PATJ: variants seen among roughly 807,000 people sequenced by gnomAD.
PATJ encodes the protein PATJ crumbs cell polarity complex component.
A neutral mutation model predicts 224.9 loss-of-function variants in PATJ; 190 were observed. The observed-to-expected ratio is 0.84, with a 90% CI of 0.75 to 0.95. The LOEUF (loss-of-function observed/expected upper bound fraction) is 0.95, where lower values mean the gene tolerates loss of function less well. PATJ is among the 40% of genes least tolerant of loss of function. PATJ has a pLI of 0.00. For missense variants in PATJ, 2,121 were observed against 2,270.3 expected (o/e 0.93, Z 1.34); for synonymous variants, 769 against 820.3 (o/e 0.94, Z 1.07).
At chr1:61,789,550 T>A (rs12095349) in intron 8 of PATJ, among the ~76,000 whole-genome samples, 8,666 of 151,714 alleles carry the variant, frequency 0.057, 848 homozygotes, top group African/African-American at 0.2. Flanking sequence ...TGGTGGCTCA[T>A]GCCTGTAATC....
chr1:61,856,652 G>A (rs1426460691), intron 18 of PATJ, among the ~76,000 whole-genome samples: 2 of 152,082 alleles, frequency 1.3e-5, no homozygotes, highest in South Asian at 2.1e-4. Context: ...GCAGTGGCAC[G>A]ATCTTGGCTC....
intron 27 of PATJ, among the ~76,000 whole-genome samples, chr1:61,969,175 G>A (rs555766595): frequency 6.6e-6 from 1 of 152,132 alleles, no homozygotes; most frequent in East Asian, 1.9e-4. Flanking sequence ...ATTGTGAATA[G>A]TGCTGCTATG....
chr1:62,015,606 T>A (rs1261270068), intron 28 of PATJ, among the ~76,000 whole-genome samples: 1 of 151,900 alleles, frequency 6.6e-6, no homozygotes, highest in African/African-American at 2.4e-5. Flanking sequence ...AATCTCGGCT[T>A]GCTGTAACCT....
chr1:61,899,031 A>G (rs1376623393), intron 22 of PATJ, among the ~76,000 whole-genome samples: 1 of 152,098 alleles, frequency 6.6e-6, no homozygotes. Context: ...GGATGAAAAT[A>G]TGTTGGTGGT....
intron 41 of PATJ, among the ~76,000 whole-genome samples, chr1:62,133,152 T>G (rs1158974713): frequency 1.4e-5 from 2 of 141,542 alleles, no homozygotes; most frequent in Non-Finnish European, 3.1e-5. Flanking sequence ...ATAAGAATAT[T>G]ATTTAGCTTA....
chr1:61,840,972 A>G (rs1048832070), intron 17 of PATJ, among the ~76,000 whole-genome samples: 1 of 152,096 alleles, frequency 6.6e-6, no homozygotes, highest in Non-Finnish European at 1.5e-5. Flanking sequence ...TGTGTAATTC[A>G]TGAATTTGCT....
intron 7 of PATJ, among the ~76,000 whole-genome samples, chr1:61,777,798 C>G (rs1647019371): frequency 6.7e-6 from 1 of 148,160 alleles, no homozygotes; most frequent in Non-Finnish European, 1.5e-5. Context: ...GCCTCGACCT[C>G]CCAGGCTCAA....
At chr1:61,915,090 A>C (rs1216199924) in intron 26 of PATJ, among the ~76,000 whole-genome samples, 2 of 152,210 alleles carry the variant, frequency 1.3e-5, no homozygotes, top group African/African-American at 2.4e-5. Flanking sequence ...CCTTCCTGTC[A>C]ATCAGAATTA....
intron 18 of PATJ, among the ~76,000 whole-genome samples, chr1:61,857,082 C>T (rs1310930131): frequency 6.6e-6 from 1 of 152,044 alleles, no homozygotes. Flanking sequence ...AATGTCAAAC[C>T]ATCTTGAAGT....
At chr1:62,157,856 T>A (rs4426010) in intron 43 of PATJ, among the ~76,000 whole-genome samples, 1,177 of 46,268 alleles carry the variant, frequency 0.025, 149 homozygotes, top group Middle Eastern at 0.049. Flanking sequence ...AAAAAAAAAA[T>A]AATCCAAGCC....
intron 27 of PATJ, among the ~76,000 whole-genome samples, chr1:61,966,855 G>C (rs1027354139): frequency 6.6e-6 from 1 of 152,106 alleles, no homozygotes; most frequent in South Asian, 2.1e-4. Context: ...TGATGTTACC[G>C]TGGCATTTGT....
intron 43 of PATJ, among the ~76,000 whole-genome samples, chr1:62,156,741 C>A (rs936023400): frequency 6.6e-6 from 1 of 150,606 alleles, no homozygotes; most frequent in Non-Finnish European, 1.5e-5. Context: ...CATTGAGAGA[C>A]CCTGTCTCTA....
intron 10 of PATJ, 44 bp downstream of exon 10, chr1:61,795,602 A>T (rs374873162): frequency 3.4e-6 from 4 of 1,178,606 alleles, no homozygotes; most frequent in East Asian, 4.7e-5. Flanking sequence ...TAGTTGAAAA[A>T]AAGGTTGATC....
intron 17 of PATJ, among the ~76,000 whole-genome samples, chr1:61,841,502 G>C (rs939581844): frequency 3.3e-5 from 5 of 151,770 alleles, no homozygotes; most frequent in Non-Finnish European, 7.4e-5. Context: ...AAAATATAAA[G>C]GATAGGCATG....
At chr1:61,902,731 A>G (rs765597149) in intron 24 of PATJ, among the ~76,000 whole-genome samples, 1 of 152,210 alleles carries the variant, frequency 6.6e-6, no homozygotes, top group Non-Finnish European at 1.5e-5. Flanking sequence ...GGAATAGACA[A>G]TAAAATAAGT....
chr1:61,756,563 CTTTTTTTTTTT>C (rs370667808), intron 1 of PATJ, among the ~76,000 whole-genome samples: 12 of 65,622 alleles, frequency 1.8e-4, no homozygotes, highest in South Asian at 1.2e-3. Context: ...AACCAGGACA[CTTTTTTTTTTT>C]TTTTTTTTTT....
At chr1:62,067,651 T>C (rs932861707) in intron 31 of PATJ, among the ~76,000 whole-genome samples, 4 of 152,204 alleles carry the variant, frequency 2.6e-5, no homozygotes, top group Non-Finnish European at 4.4e-5. Context: ...ACATTTCTCT[T>C]ACTGTCATAA....
chr1:62,068,308 AG>A (rs1656819378), intron 31 of PATJ, among the ~76,000 whole-genome samples: 1 of 152,132 alleles, frequency 6.6e-6, no homozygotes, highest in Non-Finnish European at 1.5e-5. Context: ...CAAGGGCTAG[AG>A]GTTTGTTTGT....
intron 28 of PATJ, among the ~76,000 whole-genome samples, chr1:62,003,777 T>TC (rs1353952545): frequency 2.0e-5 from 3 of 152,196 alleles, no homozygotes; most frequent in Admixed American, 6.5e-5. Context: ...TCCCTTTGGT[T>TC]CTCCCATCTG....
Sources: allele counts gnomAD v4.1 joint callset (sites outside exome capture counted in the v4.1 genomes callset), GRCh38; gene constraint gnomAD v4.1.1; transcripts MANE v1.5; gene names NCBI Gene and HGNC (gene_info 2026-07-23, HGNC 2026-07-21).